CDH8: variants seen among roughly 807,000 people sequenced by gnomAD.
CDH8 encodes the protein cadherin-8.
CDH8 carries 17 observed loss-of-function variants against 68.1 expected under a neutral mutation model. The observed-to-expected ratio is 0.25, with a 90% confidence interval of 0.17 to 0.37. The LOEUF is 0.37. Among genes scored for constraint, CDH8 ranks in the 10% least tolerant of loss-of-function variants. The pLI is 1.00. For synonymous variants in CDH8, 372 were observed against 365.1 expected, an observed-to-expected ratio of 1.02 and a Z score of -0.21; for missense variants, 763 against 999.3, an observed-to-expected ratio of 0.76 and a Z score of 3.19.
intron 2 of CDH8, among the ~76,000 whole-genome samples, chr16:62,011,800 G>A (rs1901820474): frequency 6.6e-6 from 1 of 152,098 alleles, no homozygotes; most frequent in African/African-American, 2.4e-5. Flanking sequence ...AAAATGTAGT[G>A]TATTATATTT....
At chr16:61,744,684 T>C (rs541813270) in intron 8 of CDH8, among the ~76,000 whole-genome samples, 23 of 151,732 alleles carry the variant, frequency 1.5e-4, no homozygotes, top group African/African-American at 3.9e-4. Flanking sequence ...TCCCCATTAT[T>C]ATATTACTTA....
At chr16:62,007,017 C>T (rs147169108) in intron 2 of CDH8, among the ~76,000 whole-genome samples, 4,617 of 152,106 alleles carry the variant, frequency 0.03, 99 homozygotes, top group Non-Finnish European at 0.046. Flanking sequence ...AAGTGATTCT[C>T]CTGTTTCAGC....
intron 4 of CDH8, among the ~76,000 whole-genome samples, chr16:61,835,211 C>G (rs552269064): frequency 3.3e-5 from 5 of 151,844 alleles, no homozygotes; most frequent in African/African-American, 1.2e-4. Context: ...GGCTTGAAAG[C>G]TTTAAATCAG....
intron 3 of CDH8, 139 bp from the exon 4 acceptor site, chr16:61,857,377 A>G (rs1963066969): frequency 1.4e-6 from 1 of 696,946 alleles, no homozygotes; most frequent in African/African-American, 1.8e-5. Context: ...AGTTGAAGAT[A>G]AACTGCTCTC....
chr16:62,018,115 A>G (rs1048855133), intron 2 of CDH8, among the ~76,000 whole-genome samples: 5 of 152,210 alleles, frequency 3.3e-5, no homozygotes, highest in Admixed American at 2.0e-4. Context: ...AATCCTTGAA[A>G]AACTTCAGTA....
Position 61,821,109 on chromosome 16 carries a change from C to G in CDH8, c.840G>C (p.Leu280=). ...NDNPPKFAQS[L]YHFSVPEDVV... is the part of the protein sequence containing the mutation. ...CATCTTCCGGTACTGAGAAGTGATA[C>G]AGGCCTTTAAAAAGAGGAGAAACAA... The change falls in exon 6 of 12, where the codon CTG becomes CTC. Residue 280 remains leucine, a synonymous_variant. Coordinates refer to ENST00000577390, the MANE Select transcript of CDH8 (RefSeq NM_001796.5). 6.3e-7 allele frequency: 1 copy of G among 1,599,686 alleles called. No homozygotes were observed. The highest frequency in any genetic ancestry group is 8.5e-7 in the Non-Finnish European group (1 of 1,171,564).
rs1403712838 is a variant in CDH8, at chr16:61,651,191, T to C, written c.*2417A>G. ...TAAAACATAATAATCTCTCCTTGGT[T>C]TGGAAGGTGTAAGATAGTTGGAATA... On this transcript the variant is annotated 3_prime_UTR_variant, in exon 12 of 12. Coordinates refer to ENST00000577390, the MANE Select transcript of CDH8 (RefSeq NM_001796.5). The C allele has an allele frequency of 6.6e-6, 1 of 152,080 alleles. No homozygotes were observed. The highest frequency in any genetic ancestry group is 2.1e-4 in the South Asian group (1 of 4,830). The allele number at this position is 152,080 out of a possible 1,614,324, so 9.4% of individuals were successfully genotyped here. A position where few individuals can be genotyped will look rare whatever the true frequency, so the allele number is the denominator to read the frequency against.
intron 10 of CDH8, among the ~76,000 whole-genome samples, chr16:61,684,189 T>C (rs1964062467): frequency 6.6e-6 from 1 of 152,042 alleles, no homozygotes; most frequent in Non-Finnish European, 1.5e-5. Flanking sequence ...TAATACCTTC[T>C]TCAAAACTTT....
chr16:61,987,685 G>T (rs1965651584), intron 2 of CDH8, among the ~76,000 whole-genome samples: 1 of 151,692 alleles, frequency 6.6e-6, no homozygotes, highest in South Asian at 2.1e-4. Context: ...ATGACAATAT[G>T]ATGTCAAAAA....
chr16:61,950,472 G>T (rs899135557), intron 2 of CDH8, among the ~76,000 whole-genome samples: 4 of 152,136 alleles, frequency 2.6e-5, no homozygotes, highest in Admixed American at 2.6e-4. Flanking sequence ...GTAGCAGAAG[G>T]GATGCGACTG....
intron 7 of CDH8, among the ~76,000 whole-genome samples, chr16:61,809,481 A>C (rs1193351760): frequency 3.9e-5 from 6 of 152,164 alleles, no homozygotes. Context: ...TACCTAATGC[A>C]TATGGGGCTT....
intron 3 of CDH8, among the ~76,000 whole-genome samples, chr16:61,877,734 G>A (rs768979332): frequency 6.6e-6 from 1 of 152,062 alleles, no homozygotes; most frequent in Non-Finnish European, 1.5e-5. Context: ...AGAGAATGAA[G>A]AGAGAGAATA....
chr16:61,815,278 A>G (rs1286592343), intron 7 of CDH8, among the ~76,000 whole-genome samples: 1 of 152,214 alleles, frequency 6.6e-6, no homozygotes, highest in Non-Finnish European at 1.5e-5. Flanking sequence ...TCCTGCCAGT[A>G]ACAGTAATAA....
intron 10 of CDH8, among the ~76,000 whole-genome samples, chr16:61,699,509 C>T (rs1964383900): frequency 6.6e-6 from 1 of 152,140 alleles, no homozygotes; most frequent in Non-Finnish European, 1.5e-5. Flanking sequence ...TACACTTTAA[C>T]TTCAGTGGAG....
At chr16:61,740,591 G>A (rs138319562) in intron 8 of CDH8, among the ~76,000 whole-genome samples, 251 of 152,110 alleles carry the variant, frequency 1.7e-3, no homozygotes, top group African/African-American at 5.5e-3. Flanking sequence ...CCTCTACTTG[G>A]TTTAACAGTA....
chr16:61,725,857 A>G (rs1447728197), intron 9 of CDH8: 1 of 150,616 alleles, frequency 6.6e-6, no homozygotes, highest in Non-Finnish European at 1.5e-5. Context: ...AAAGTTAATC[A>G]GTTTTATTAT....
At chr16:61,847,696 C>G (rs1962839536) in intron 4 of CDH8, among the ~76,000 whole-genome samples, 1 of 151,606 alleles carries the variant, frequency 6.6e-6, no homozygotes, top group South Asian at 2.1e-4. Context: ...TTTGCCATAA[C>G]ATTTAAAGCA....
intron 8 of CDH8, among the ~76,000 whole-genome samples, chr16:61,749,048 G>T (rs996388377): frequency 1.3e-5 from 2 of 152,014 alleles, no homozygotes; most frequent in Non-Finnish European, 2.9e-5. Flanking sequence ...TTCAAGCCCA[G>T]GCTTACAATA....
intron 8 of CDH8, among the ~76,000 whole-genome samples, chr16:61,732,708 G>T (rs17248940): frequency 0.046 from 7,011 of 151,762 alleles, 178 homozygotes; most frequent in Middle Eastern, 0.075. Flanking sequence ...AAACGGTAAA[G>T]GTAATTATGC....
Sources: gnomAD v4.1 joint callset for allele counts (sites outside exome capture counted in the v4.1 genomes callset) on GRCh38, gnomAD v4.1.1 for gene constraint, MANE v1.5 for transcripts, NCBI Gene and HGNC (gene_info 2026-07-23, HGNC 2026-07-21) for gene names.